IFT81: variants seen among roughly 807,000 people sequenced by gnomAD.
IFT81 encodes the protein intraflagellar transport protein 81 homolog.
A neutral mutation model predicts 102.6 loss-of-function variants in IFT81; 72 were observed. The observed-to-expected ratio is 0.70, with a 90% CI of 0.58 to 0.85. The LOEUF (loss-of-function observed/expected upper bound fraction) is 0.85. Ranked by LOEUF, IFT81 falls within the 40% of genes least tolerant of loss-of-function variation. The pLI, the probability that IFT81 is intolerant of heterozygous loss-of-function variation, is 0.00. For missense variants in IFT81, 723 were observed against 787.3 expected, an observed-to-expected ratio of 0.92 and a Z score of 0.98; for synonymous variants, 237 against 242.7, an observed-to-expected ratio of 0.98 and a Z score of 0.22.
Position 110,158,824 on chromosome 12 carries a change from G to A in IFT81, c.1042-4095G>A, listed in dbSNP as rs182086624. Among the ~76,000 whole-genome samples, 19 of 152,096 alleles carry A rather than the reference G, an allele frequency of 1.2e-4. 1 individual carries two copies. Among genetic ancestry groups the A allele is most frequent in the African/African-American group, 4.1e-4 (17 of 41,506 alleles). ...AGGATGGTCTCGATCTCCTGACCTC[G>A]TGATCCACCCGCCTCAGCCTCCCAA... is the stretch of plus-strand genomic sequence containing the variant. On this transcript the variant is annotated intron_variant, in intron 10 of 18. Coordinates refer to ENST00000242591, the MANE Select transcript of IFT81 (RefSeq NM_014055.4).
chr12:110,209,092 A>T (rs984501378), intron 17 of IFT81, 79 bp from the exon 18 acceptor site: 6 of 751,482 alleles, frequency 8.0e-6, no homozygotes, highest in African/African-American at 1.8e-5. Flanking sequence ...TTTTAGATAG[A>T]TATATTAATT....
rs746525860 is a variant in IFT81 at position 110,134,989 on chromosome 12, G to GA, written c.562dup (p.Arg188LysfsTer3). On this transcript the variant is annotated frameshift_variant, in exon 6 of 19. Transcript: ENST00000242591. LOFTEE classifies it high-confidence loss of function. ...AAGAAGAAAAGGATCAGCTCATTAA[G>GA]AGAGTTGAACATTTGAAGAAAAGGG... is the stretch of plus-strand genomic sequence containing the variant. 1.9e-6 allele frequency: 3 copies of GA among 1,611,002 alleles called. No homozygotes were observed. Among genetic ancestry groups the GA allele is most frequent in the South Asian group, 2.2e-5 (2 of 90,272 alleles).
chr12:110,184,949 AATCTGAGCC>A (rs2137530307), intron 12 of IFT81, among the ~76,000 whole-genome samples: 1 of 152,280 alleles, frequency 6.6e-6, no homozygotes, highest in East Asian at 1.9e-4. Flanking sequence ...TCTTGAAAGC[AATCTGAGCC>A]ATAAATTTTG....
intron 12 of IFT81, among the ~76,000 whole-genome samples, chr12:110,187,818 A>C (rs1402586210): frequency 6.6e-6 from 1 of 152,168 alleles, no homozygotes. Context: ...CCAAAGATAT[A>C]GTTCTCGTAC....
At chr12:110,206,063 C>T (rs1365785929) in intron 17 of IFT81, among the ~76,000 whole-genome samples, 1 of 152,156 alleles carries the variant, frequency 6.6e-6, no homozygotes, top group Non-Finnish European at 1.5e-5. Flanking sequence ...TCATTCCCCG[C>T]CACCCAGGAA....
intron 18 of IFT81, among the ~76,000 whole-genome samples, chr12:110,212,842 A>G (rs1307277865): frequency 6.9e-6 from 1 of 145,160 alleles, no homozygotes; most frequent in Non-Finnish European, 1.5e-5. Flanking sequence ...CATCTCAAAG[A>G]AAAAAAAAAA....
intron 14 of IFT81, chr12:110,203,277 CA>C (rs1165859339): frequency 6.5e-6 from 1 of 153,168 alleles, no homozygotes; most frequent in East Asian, 1.9e-4. Context: ...AACAAACAAA[CA>C]AACAAAAGAA....
intron 8 of IFT81, among the ~76,000 whole-genome samples, chr12:110,137,873 C>A (rs1025828143): frequency 6.6e-5 from 10 of 152,038 alleles, no homozygotes; most frequent in African/African-American, 2.4e-4. Flanking sequence ...TCCTTAAAAC[C>A]GAGTGTTTTT....
rs1239828676 is a variant in IFT81, at chr12:110,124,679, G to GGTCCCCT, written c.-191_-185dup. ...CCGCTAGAGGCCCGGTCGGGTGTGGGGTCCCCTGTCCCCTGTCCCGAGCCC... is the reference window on the plus strand; with the variant it reads ...CCGCTAGAGGCCCGGTCGGGTGTGGGGTCCCCTGTCCCCTGTCCCCTGTCCCGAGCCC... On this transcript the variant is annotated 5_prime_UTR_variant, in exon 1 of 19. Coordinates refer to ENST00000242591, the MANE Select transcript of IFT81 (RefSeq NM_014055.4). 2 of 152,286 alleles carry GGTCCCCT rather than the reference G, an allele frequency of 1.3e-5. No homozygotes were observed. The highest frequency in any genetic ancestry group is 2.4e-5 in the African/African-American group (1 of 41,440). The allele number at this position is 152,286 out of a possible 1,614,324, so 9.4% of individuals were successfully genotyped here. A position where few individuals can be genotyped will look rare whatever the true frequency, so the allele number is the denominator to read the frequency against.
At chr12:110,158,068 AT>A (rs1422877300) in intron 10 of IFT81, among the ~76,000 whole-genome samples, 1 of 151,352 alleles carries the variant, frequency 6.6e-6, no homozygotes, top group East Asian at 1.9e-4. Flanking sequence ...TTTTATTTTT[AT>A]TTTTATTTTA....
At chr12:110,174,414 C>T (rs1044149488) in intron 11 of IFT81, among the ~76,000 whole-genome samples, 3 of 145,370 alleles carry the variant, frequency 2.1e-5, no homozygotes, top group African/African-American at 7.8e-5. Context: ...GAGATTGCAC[C>T]ATTGCATTCC....
At chr12:110,128,179 A>T in intron 3 of IFT81, 30 bp downstream of exon 3, 1 of 1,381,216 alleles carries the variant, frequency 7.2e-7, no homozygotes, top group Non-Finnish European at 1.0e-6. Flanking sequence ...TTGAGTTTTT[A>T]AAATTATGCT....
intron 11 of IFT81, among the ~76,000 whole-genome samples, chr12:110,167,501 C>A (rs188117619): frequency 6.6e-6 from 1 of 152,166 alleles, no homozygotes; most frequent in East Asian, 1.9e-4. Flanking sequence ...GAGATTACAC[C>A]CTGCTAACAT....
chr12:110,130,383 C>T (rs1309043251), intron 4 of IFT81, among the ~76,000 whole-genome samples: 4 of 141,748 alleles, frequency 2.8e-5, no homozygotes, highest in Admixed American at 7.2e-5. Context: ...TTTTTTTTTC[C>T]GAGACAGAGT....
intron 18 of IFT81, chr12:110,216,583 T>C: frequency 2.2e-6 from 1 of 453,228 alleles, no homozygotes; most frequent in Non-Finnish European, 4.4e-6. Flanking sequence ...AGTGGCACAA[T>C]CTTGGCTCAC....
chr12:110,175,124 GTTTAC>G (rs757725668), intron 11 of IFT81, among the ~76,000 whole-genome samples: 14 of 152,190 alleles, frequency 9.2e-5, no homozygotes, highest in African/African-American at 2.4e-4. Context: ...AAGCTTTGTA[GTTTAC>G]TTTACTGACA....
intron 9 of IFT81, among the ~76,000 whole-genome samples, chr12:110,144,376 C>T (rs974139809): frequency 1.3e-5 from 2 of 151,906 alleles, no homozygotes; most frequent in Admixed American, 6.6e-5. Context: ...GCCACCACGC[C>T]TGGCTAATTT....
chr12:110,173,241 C>T (rs1425341868), intron 11 of IFT81, among the ~76,000 whole-genome samples: 1 of 149,492 alleles, frequency 6.7e-6, no homozygotes, highest in Non-Finnish European at 1.5e-5. Flanking sequence ...CCCGGCCAGC[C>T]GCCCCGTCCG....
At position 110,190,888 on chromosome 12, in the gene IFT81, T is replaced by C. The variant is rs753029025; in HGVS notation, c.1339-32T>C. 2.7e-6 allele frequency: 4 copies of C among 1,460,190 alleles called. No homozygotes were observed. The Admixed American group carries it at 8.0e-5, about 29-fold the overall frequency. The allele number at this position is 1,460,190 out of a possible 1,614,324, so 90.5% of individuals were successfully genotyped here. ...TATGGGAGCCAGCAAGATTTTGACA[T>C]GTTTTGTGGCCTTTTTATTTTTTAC... On this transcript the variant is annotated intron_variant, in intron 12 of 18. Transcript: ENST00000242591.
Sources: allele counts gnomAD v4.1 joint callset (sites outside exome capture counted in the v4.1 genomes callset), GRCh38; gene constraint gnomAD v4.1.1; transcripts MANE v1.5; gene names NCBI Gene and HGNC (gene_info 2026-07-23, HGNC 2026-07-21).